Variants in SUGCT observed in about 807,000 individuals in gnomAD.
SUGCT encodes the protein succinyl-CoA:glutarate CoA-transferase.
Under a neutral mutation model 55.0 loss-of-function variants are expected in SUGCT, and 41 were observed. The observed-to-expected ratio is 0.74, with a 90% CI of 0.58 to 0.97. The LOEUF (loss-of-function observed/expected upper bound fraction) is 0.97, where lower values mean the gene tolerates loss of function less well. Among genes scored for constraint, SUGCT ranks in the 50% least tolerant of loss-of-function variants. The pLI is 0.00. For missense variants in SUGCT, 568 were observed against 547.8 expected, an observed-to-expected ratio of 1.04 and a Z score of -0.37; for synonymous variants, 187 against 200.4, an observed-to-expected ratio of 0.93 and a Z score of 0.56.
intron 1 of SUGCT, among the ~76,000 whole-genome samples, 171 bp downstream of exon 1, chr7:40,135,291 C>T (rs368038974): frequency 3.2e-4 from 48 of 152,246 alleles, no homozygotes; most frequent in African/African-American, 1.1e-3. Flanking sequence ...GCCTGCCCCG[C>T]TCTGGCCGCC....
chr7:40,515,432 A>G (rs1306626210), intron 12 of SUGCT, among the ~76,000 whole-genome samples: 1 of 152,174 alleles, frequency 6.6e-6, no homozygotes, highest in African/African-American at 2.4e-5. Context: ...ATTTCAGGAC[A>G]TTTTCATAAC....
At chr7:40,422,502 A>G (rs1226589155) in intron 9 of SUGCT, among the ~76,000 whole-genome samples, 4 of 152,110 alleles carry the variant, frequency 2.6e-5, no homozygotes, top group Non-Finnish European at 5.9e-5. Context: ...GGCATTGTAT[A>G]TGCCACATTT....
intron 12 of SUGCT, among the ~76,000 whole-genome samples, chr7:40,595,710 T>A (rs1351170636): frequency 1.3e-5 from 2 of 151,934 alleles, no homozygotes; most frequent in Non-Finnish European, 2.9e-5. Context: ...ACCACTCCCA[T>A]CTTCAAAATC....
chr7:40,227,290 C>T (rs1369824849), intron 6 of SUGCT, among the ~76,000 whole-genome samples: 1 of 152,012 alleles, frequency 6.6e-6, no homozygotes, highest in African/African-American at 2.4e-5. Flanking sequence ...CTCAAGTGAT[C>T]CACCCCCGCT....
intron 12 of SUGCT, among the ~76,000 whole-genome samples, chr7:40,736,059 G>A (rs1341233171): frequency 1.3e-5 from 2 of 151,492 alleles, no homozygotes; most frequent in Non-Finnish European, 2.9e-5. Flanking sequence ...ACATAGATCT[G>A]AATAAATTAA....
At chr7:40,172,540 T>C (rs1784726444) in intron 1 of SUGCT, among the ~76,000 whole-genome samples, 1 of 151,956 alleles carries the variant, frequency 6.6e-6, no homozygotes, top group Admixed American at 6.6e-5. Context: ...TCAGAGGAAA[T>C]AGATTCAGAG....
intron 7 of SUGCT, among the ~76,000 whole-genome samples, chr7:40,239,929 T>C (rs1789265077): frequency 6.6e-6 from 1 of 152,222 alleles, no homozygotes; most frequent in Non-Finnish European, 1.5e-5. Flanking sequence ...ATCTGTTTCC[T>C]ACTGTACGGT....
chr7:40,424,351 T>C (rs946569759), intron 9 of SUGCT, among the ~76,000 whole-genome samples: 1 of 152,108 alleles, frequency 6.6e-6, no homozygotes, highest in Admixed American at 6.6e-5. Context: ...TGTAGGTGTG[T>C]GGAGAGCAGT....
intron 9 of SUGCT, among the ~76,000 whole-genome samples, chr7:40,337,197 T>C (rs1487364045): frequency 6.6e-6 from 1 of 152,194 alleles, no homozygotes; most frequent in Non-Finnish European, 1.5e-5. Flanking sequence ...AATAGTGCTA[T>C]GTGGTGCTGA....
chr7:40,352,981 A>G (rs775305555), intron 9 of SUGCT, among the ~76,000 whole-genome samples: 17 of 152,194 alleles, frequency 1.1e-4, no homozygotes, highest in Non-Finnish European at 2.5e-4. Context: ...GACTGGTGTG[A>G]GATGGTAACT....
At chr7:40,934,362 T>G in the SUGCT span, among the ~76,000 whole-genome samples, 16 of 152,302 alleles carry the variant, frequency 1.1e-4, no homozygotes, top group African/African-American at 3.8e-4. Context: ...CGGCCCCTAC[T>G]GGGAGGTGTC....
At chr7:40,794,453 A>G (rs532222586) in intron 13 of SUGCT, among the ~76,000 whole-genome samples, 1 of 152,234 alleles carries the variant, frequency 6.6e-6, no homozygotes, top group South Asian at 2.1e-4. Flanking sequence ...TATTTTATTT[A>G]TAGTTCACCA....
chr7:40,723,361 C>G lies in SUGCT; in HGVS notation c.1090-26073C>G, dbSNP rs193091112. Among the ~76,000 whole-genome samples the G allele has an allele frequency of 4.3e-4, 66 of 152,240 alleles. No homozygotes were observed. In the East Asian group the frequency reaches 9.5e-3, roughly 22 times the overall value. The stretch of plus-strand genomic sequence containing the variant: ...GGGAGTGGCTGCTTCTGTGCCCACT[C>G]TAGTGGTGTTTAGCAGTGTTCTTCT... On this transcript the variant is annotated intron_variant, in intron 12 of 13. Transcript: ENST00000335693.
chr7:40,317,652 C>A (rs1463661121), intron 9 of SUGCT, among the ~76,000 whole-genome samples: 1 of 152,136 alleles, frequency 6.6e-6, no homozygotes, highest in Non-Finnish European at 1.5e-5. Context: ...GGAGTCATTT[C>A]AATGTTAGTG....
At chr7:40,423,595 G>A (rs1296349761) in intron 9 of SUGCT, among the ~76,000 whole-genome samples, 2 of 151,722 alleles carry the variant, frequency 1.3e-5, no homozygotes, top group African/African-American at 4.8e-5. Flanking sequence ...TCACTTAATT[G>A]CATTTTTATG....
chr7:40,245,511 C>T lies in SUGCT; in HGVS notation c.576+7785C>T, dbSNP rs550870059. ...CTGGAGTGCAGCGGCATGATCTCGG[C>T]TCACTGCAAGCCCTGCCTCCCGGGT... is the stretch of plus-strand genomic sequence containing the variant. On this transcript the variant is annotated intron_variant, in intron 7 of 13. Coordinates refer to ENST00000335693, the MANE Select transcript of SUGCT (RefSeq NM_001193313.2). 3.7e-5 allele frequency among the ~76,000 whole-genome samples: 5 copies of T among 135,172 alleles called. No homozygotes were observed. The South Asian group carries it at 1.2e-3, about 32-fold the overall frequency. The allele number at this position is 135,172 out of a possible 152,430, so 88.7% of individuals were successfully genotyped here. A position where few individuals can be genotyped will look rare whatever the true frequency, so the allele number is the denominator to read the frequency against.
At chr7:40,592,854 A>G (rs775001977) in intron 12 of SUGCT, among the ~76,000 whole-genome samples, 2 of 152,214 alleles carry the variant, frequency 1.3e-5, no homozygotes, top group Non-Finnish European at 2.9e-5. Context: ...GGTCTTGGGT[A>G]TGGTCCCTAG....
intron 13 of SUGCT, among the ~76,000 whole-genome samples, chr7:40,762,719 C>T (rs1051540650): frequency 6.6e-6 from 1 of 152,044 alleles, no homozygotes; most frequent in Non-Finnish European, 1.5e-5. Flanking sequence ...ATTTAATTTG[C>T]TATAATTCAG....
chr7:40,491,335 G>A (rs1389611837), intron 11 of SUGCT, among the ~76,000 whole-genome samples: 6 of 152,162 alleles, frequency 3.9e-5, no homozygotes, highest in African/African-American at 1.4e-4. Context: ...CAGTGCGAAT[G>A]GAGGAGTAGT....
Sources: allele counts gnomAD v4.1 joint callset (sites outside exome capture counted in the v4.1 genomes callset), GRCh38; gene constraint gnomAD v4.1.1; transcripts MANE v1.5; gene names NCBI Gene and HGNC (gene_info 2026-07-23, HGNC 2026-07-21).